The following CPXM2 variants were observed in gnomAD, a reference collection of about 807,000 sequenced individuals.
CPXM2 encodes the protein inactive carboxypeptidase-like protein X2.
A neutral mutation model predicts 86.1 loss-of-function variants in CPXM2; 66 were observed. The observed-to-expected ratio is 0.77, with a 90% CI of 0.63 to 0.94. The LOEUF (loss-of-function observed/expected upper bound fraction) is 0.94. Among genes scored for constraint, CPXM2 ranks in the 40% least tolerant of loss-of-function variants. The probability of loss-of-function intolerance (pLI) is 0.00; values close to 1 mark genes in which losing one functional copy is unlikely to be tolerated. For missense variants in CPXM2, 948 were observed against 1,026.3 expected (o/e 0.92, Z 1.04); for synonymous variants, 388 against 400.2 (o/e 0.97, Z 0.36).
chr10:123,780,866 A>G (rs529496185), intron 6 of CPXM2, among the ~76,000 whole-genome samples: 1 of 152,144 alleles, frequency 6.6e-6, no homozygotes, highest in East Asian at 1.9e-4. Flanking sequence ...CACAGCATCT[A>G]CTGGCCACTG....
chr10:123,820,067 C>T (rs998845527), intron 4 of CPXM2, among the ~76,000 whole-genome samples: 6 of 152,222 alleles, frequency 3.9e-5, no homozygotes, highest in African/African-American at 1.2e-4. Context: ...TGCCCTCGAA[C>T]ATCAGACTCC....
chr10:123,767,183 C>T, intron 9 of CPXM2, 31 bp from the exon 10 acceptor site: 1 of 1,601,640 alleles, frequency 6.2e-7, no homozygotes, highest in Non-Finnish European at 8.5e-7. Flanking sequence ...GAAGAATGCA[C>T]AGGCTGCAGG....
At chr10:123,769,298 G>A (rs1262560968) in intron 8 of CPXM2, among the ~76,000 whole-genome samples, 2 of 152,160 alleles carry the variant, frequency 1.3e-5, no homozygotes, top group Non-Finnish European at 2.9e-5. Flanking sequence ...AGTATTAAGA[G>A]GAGGGGCCGG....
At chr10:123,846,253 G>A (rs1001822465) in intron 3 of CPXM2, among the ~76,000 whole-genome samples, 2 of 152,112 alleles carry the variant, frequency 1.3e-5, no homozygotes, top group Non-Finnish European at 2.9e-5. Context: ...AGAATCAATG[G>A]TAGCCTGAGC....
chr10:123,823,072 A>G (rs186840413), intron 4 of CPXM2, among the ~76,000 whole-genome samples: 20 of 152,316 alleles, frequency 1.3e-4, no homozygotes, highest in Admixed American at 5.9e-4. Flanking sequence ...ATTATTTCCA[A>G]AATACAACCA....
At chr10:123,836,131 G>A (rs1269678206) in intron 4 of CPXM2, among the ~76,000 whole-genome samples, 2 of 151,958 alleles carry the variant, frequency 1.3e-5, no homozygotes, top group Admixed American at 6.5e-5. Context: ...GGAGATCCCC[G>A]CAACGGGGAT....
intron 4 of CPXM2, among the ~76,000 whole-genome samples, chr10:123,825,045 G>A (rs796843845): frequency 7.0e-4 from 107 of 152,294 alleles, no homozygotes; most frequent in Middle Eastern, 3.4e-3. Flanking sequence ...GACACTTACC[G>A]GAAATTCCGA....
intron 2 of CPXM2, among the ~76,000 whole-genome samples, chr10:123,905,187 G>A (rs371229022): frequency 2.4e-4 from 36 of 152,200 alleles, no homozygotes; most frequent in East Asian, 7.7e-4. Context: ...CTTTCAGCAA[G>A]GAAAAAGAGG....
intron 7 of CPXM2, among the ~76,000 whole-genome samples, chr10:123,776,250 T>C (rs1846784746): frequency 6.6e-6 from 1 of 152,156 alleles, no homozygotes; most frequent in African/African-American, 2.4e-5. Flanking sequence ...AAAGTCTCCC[T>C]AGGTGGGTAG....
chr10:123,886,292 T>G (rs1945176794), intron 1 of CPXM2, among the ~76,000 whole-genome samples: 1 of 148,880 alleles, frequency 6.7e-6, no homozygotes, highest in African/African-American at 2.5e-5. Flanking sequence ...CCTTACACAC[T>G]CCCATTTTGC....
chr10:123,855,164 T>C (rs796214547), intron 3 of CPXM2, among the ~76,000 whole-genome samples: 8 of 152,120 alleles, frequency 5.3e-5, no homozygotes, highest in South Asian at 4.1e-4. Context: ...TCCAGTGTTT[T>C]GGCATCCAAA....
chr10:123,878,598 A>G (rs922834024), intron 2 of CPXM2, among the ~76,000 whole-genome samples: 2 of 151,352 alleles, frequency 1.3e-5, no homozygotes, highest in Non-Finnish European at 2.9e-5. Flanking sequence ...AAGTTTAAGA[A>G]CTTCCAATTC....
rs532954173 is a variant in CPXM2 at position 123,803,118 on chromosome 10, C to CTTTTTTTTTTTTTTT, written c.654-3934_654-3920dup. 1.4e-4 allele frequency among the ~76,000 whole-genome samples: 9 copies of CTTTTTTTTTTTTTTT among 63,634 alleles called. 1 individual carries two copies. The highest frequency in any genetic ancestry group is 2.2e-4 in the Non-Finnish European group (7 of 32,530). The allele number at this position is 63,634 out of a possible 152,430, so 41.7% of individuals were successfully genotyped here. Reference sequence around the variant, plus strand: ...TCCTTTTCATCCTCTTTGTAGTACCCTTTTTTTTTTTTTTTTTTTTTTTTT... The same window carrying CTTTTTTTTTTTTTTT: ...TCCTTTTCATCCTCTTTGTAGTACCCTTTTTTTTTTTTTTTTTTTTTTTTTTTTTTTTTTTTTTTT... On this transcript the variant is annotated intron_variant, in intron 4 of 13. Transcript: ENST00000241305.
chr10:123,824,040 C>A (rs1847990196), intron 4 of CPXM2, among the ~76,000 whole-genome samples: 1 of 152,180 alleles, frequency 6.6e-6, no homozygotes, highest in Admixed American at 6.5e-5. Context: ...GGGTCATTTT[C>A]TTCCAATGCA....
At chr10:123,896,568 C>T (rs538762061), upstream of CPXM2, among the ~76,000 whole-genome samples, 3 of 152,164 alleles carry the variant, frequency 2.0e-5, no homozygotes, top group Non-Finnish European at 2.9e-5. Flanking sequence ...TTTGATAAGC[C>T]TTATTCTTAG....
At chr10:123,820,720 C>T (rs1332524026) in intron 4 of CPXM2, among the ~76,000 whole-genome samples, 1 of 152,132 alleles carries the variant, frequency 6.6e-6, no homozygotes, top group African/African-American at 2.4e-5. Context: ...TTCCAGAGGC[C>T]ACCCACATTC....
chr10:123,902,465 T>C (rs1025166588), intron 2 of CPXM2, among the ~76,000 whole-genome samples: 9 of 151,732 alleles, frequency 5.9e-5, no homozygotes, highest in Non-Finnish European at 1.2e-4. Context: ...CTTAGTCCAT[T>C]AGGGCTGCTA....
chr10:123,857,617 T>C (rs1010479930), intron 3 of CPXM2, among the ~76,000 whole-genome samples: 7 of 139,270 alleles, frequency 5.0e-5, no homozygotes, highest in East Asian at 2.3e-4. Flanking sequence ...GGCGTGGAGA[T>C]GGAAGGCGGC....
At chr10:123,790,138 AAAAT>A (rs1847173276) in intron 6 of CPXM2, among the ~76,000 whole-genome samples, 1 of 151,868 alleles carries the variant, frequency 6.6e-6, no homozygotes, top group African/African-American at 2.4e-5. Flanking sequence ...TAATAAATAA[AAAAT>A]AAATAGAGAG....
Sources: gnomAD v4.1 joint callset for allele counts (sites outside exome capture counted in the v4.1 genomes callset) on GRCh38, gnomAD v4.1.1 for gene constraint, MANE v1.5 for transcripts, NCBI Gene and HGNC (gene_info 2026-07-23, HGNC 2026-07-21) for gene names.